Variants in DGKB observed in about 807,000 individuals in gnomAD.
DGKB encodes diacylglycerol kinase beta.
In DGKB, 67 loss-of-function variants were observed where a neutral mutation model predicts 114.3. The ratio of observed to expected loss-of-function variants is 0.59; its 90% CI spans 0.48 to 0.72. The LOEUF is 0.72. Among genes scored for constraint, DGKB ranks in the 30% least tolerant of loss-of-function variants. The pLI, the probability that DGKB is intolerant of heterozygous loss-of-function variation, is 0.00. For missense variants in DGKB, 907 were observed against 975.2 expected, an observed-to-expected ratio of 0.93 and a Z score of 0.93; for synonymous variants, 398 against 323.1, an observed-to-expected ratio of 1.23 and a Z score of -2.49.
chr7:14,426,158 T>C (rs1827491456), intron 21 of DGKB, among the ~76,000 whole-genome samples: 1 of 152,184 alleles, frequency 6.6e-6, no homozygotes, highest in Non-Finnish European at 1.5e-5. Context: ...GTGTAGTCAA[T>C]TCAAAGTTTT....
intron 21 of DGKB, among the ~76,000 whole-genome samples, chr7:14,448,359 G>A (rs1298200806): frequency 6.6e-6 from 1 of 151,960 alleles, no homozygotes; most frequent in Non-Finnish European, 1.5e-5. Flanking sequence ...GTGTGGTGTT[G>A]GGAAGATAAT....
At chr7:14,941,233 CA>C (rs200333077) in intron 1 of DGKB, among the ~76,000 whole-genome samples, 3 of 151,240 alleles carry the variant, frequency 2.0e-5, no homozygotes, top group African/African-American at 4.9e-5. Flanking sequence ...CAAGTGCTTG[CA>C]AAAAAAATAA....
chr7:14,863,493 C>T (rs1452123556), intron 1 of DGKB, among the ~76,000 whole-genome samples: 1 of 151,762 alleles, frequency 6.6e-6, no homozygotes, highest in Non-Finnish European at 1.5e-5. Context: ...AACCACATCA[C>T]TTTAATATAG....
chr7:14,199,414 A>G (rs1030073942), intron 23 of DGKB, among the ~76,000 whole-genome samples: 2 of 152,012 alleles, frequency 1.3e-5, no homozygotes, highest in Non-Finnish European at 2.9e-5. Context: ...ATGAATGGGA[A>G]ATGTAATTAG....
chr7:14,426,926 G>A (rs1014755412), intron 21 of DGKB, among the ~76,000 whole-genome samples: 5 of 151,906 alleles, frequency 3.3e-5, no homozygotes, highest in Admixed American at 3.3e-4. Flanking sequence ...CAGGCACGGT[G>A]GAGTGTGCCT....
chr7:14,579,524 A>G (rs1443433818), intron 19 of DGKB, among the ~76,000 whole-genome samples: 1 of 152,152 alleles, frequency 6.6e-6, no homozygotes, highest in Non-Finnish European at 1.5e-5. Context: ...CTTCTTTTTA[A>G]TCTATGCACT....
intron 13 of DGKB, among the ~76,000 whole-genome samples, chr7:14,654,578 C>A (rs1815377629): frequency 6.6e-6 from 1 of 151,782 alleles, no homozygotes; most frequent in Non-Finnish European, 1.5e-5. Flanking sequence ...TACAAGTAGT[C>A]AAAGTAATAC....
At chr7:14,496,233 T>A (rs1438939718) in intron 20 of DGKB, among the ~76,000 whole-genome samples, 1 of 151,820 alleles carries the variant, frequency 6.6e-6, no homozygotes, top group Non-Finnish European at 1.5e-5. Flanking sequence ...ATGTAGATTG[T>A]AGAAGTAATG....
At chr7:14,224,737 TC>T (rs1296403942) in intron 23 of DGKB, among the ~76,000 whole-genome samples, 1 of 152,038 alleles carries the variant, frequency 6.6e-6, no homozygotes, top group East Asian at 1.9e-4. Flanking sequence ...GTGTGAAGTT[TC>T]TAATAATGCT....
At chr7:14,299,914 A>G (rs1248342274) in intron 23 of DGKB, among the ~76,000 whole-genome samples, 1 of 148,076 alleles carries the variant, frequency 6.8e-6, no homozygotes, top group Non-Finnish European at 1.5e-5. Context: ...AGCAAAACAC[A>G]AAAAAAATAC....
At position 14,586,827 on chromosome 7, in the gene DGKB, T is replaced by C. The variant is rs868334669; in HGVS notation, c.1434-3690A>G. ...CTTTACAGCATGGTTTACTGAGTAT[T>C]TTAAGTCCACGACTGAGACATATTT... On this transcript the variant is annotated intron_variant, in intron 17 of 25. Transcript: ENST00000402815. Among the ~76,000 whole-genome samples, 4 of 151,494 alleles carry C rather than the reference T, an allele frequency of 2.6e-5. No homozygotes were observed. In the South Asian group the frequency reaches 8.3e-4, roughly 32 times the overall value.
At chr7:14,361,445 AT>A (rs1225368217) in intron 21 of DGKB, among the ~76,000 whole-genome samples, 9 of 151,958 alleles carry the variant, frequency 5.9e-5, no homozygotes, top group African/African-American at 9.7e-5. Context: ...TTTAGATTGC[AT>A]TTTTGTCATG....
chr7:14,814,868 C>T (rs1843897113), intron 2 of DGKB, among the ~76,000 whole-genome samples: 1 of 152,136 alleles, frequency 6.6e-6, no homozygotes, highest in African/African-American at 2.4e-5. Context: ...TCTTCTTCAG[C>T]TCAGAAAAGT....
chr7:14,597,625 C>T (rs534608328), intron 17 of DGKB, among the ~76,000 whole-genome samples: 2 of 152,118 alleles, frequency 1.3e-5, no homozygotes, highest in Non-Finnish European at 2.9e-5. Flanking sequence ...TTTCATGCTC[C>T]TTGAGTTGCA....
intron 5 of DGKB, among the ~76,000 whole-genome samples, chr7:14,719,175 C>T (rs952252884): frequency 1.2e-4 from 19 of 152,204 alleles, no homozygotes; most frequent in African/African-American, 4.6e-4. Flanking sequence ...TTGCCAATAC[C>T]ATGAAGAAGA....
intron 17 of DGKB, among the ~76,000 whole-genome samples, chr7:14,588,218 T>C (rs1801106588): frequency 6.6e-6 from 1 of 152,128 alleles, no homozygotes; most frequent in Non-Finnish European, 1.5e-5. Context: ...TTTCACCTTG[T>C]TGGTTTGCAA....
intron 23 of DGKB, among the ~76,000 whole-genome samples, chr7:14,304,085 A>T (rs111557831): frequency 0.13 from 3,674 of 28,388 alleles, 80 homozygotes; most frequent in Non-Finnish European, 0.17. Context: ...ACACACACAC[A>T]CACTCTCTCT....
chr7:14,380,095 C>A (rs1819197170), intron 21 of DGKB, among the ~76,000 whole-genome samples: 1 of 152,038 alleles, frequency 6.6e-6, no homozygotes, highest in South Asian at 2.1e-4. Flanking sequence ...TGAAGTGATC[C>A]AATACATGTT....
At chr7:14,953,201 A>T (rs188212688) in intron 1 of DGKB, among the ~76,000 whole-genome samples, 15 of 152,234 alleles carry the variant, frequency 9.9e-5, no homozygotes, top group African/African-American at 3.4e-4. Context: ...GAAAATATGT[A>T]AGTGAACAGG....
Sources: allele counts gnomAD v4.1 joint callset (sites outside exome capture counted in the v4.1 genomes callset), GRCh38; gene constraint gnomAD v4.1.1; transcripts MANE v1.5; gene names NCBI Gene and HGNC (gene_info 2026-07-23, HGNC 2026-07-21).